Variants in IL17REL observed in about 807,000 individuals in gnomAD.
The protein encoded by IL17REL is interleukin 17 receptor E like.
IL17REL carries 36 observed loss-of-function variants against 49.0 expected under a neutral mutation model. That is an observed-to-expected ratio of 0.73 (90% CI 0.56 to 0.97). The LOEUF is 0.97. Among genes scored for constraint, IL17REL ranks in the 50% least tolerant of loss-of-function variants. IL17REL has a pLI of 0.00. For missense variants in IL17REL, 470 were observed against 453.9 expected (o/e 1.04, Z -0.32); for synonymous variants, 206 against 192.4 (o/e 1.07, Z -0.58).
intron 5 of IL17REL, 31 bp from the exon 8 acceptor site, chr22:49,999,533 G>A (rs1333225738): frequency 2.6e-6 from 4 of 1,551,078 alleles, no homozygotes; most frequent in Non-Finnish European, 3.5e-6. Flanking sequence ...CTGAGGGGCC[G>A]CGCGGGAGGG....
intron 2 of IL17REL, 41 bp downstream of exon 3, chr22:50,001,041 A>G (rs763070220): frequency 1.4e-6 from 2 of 1,460,638 alleles, no homozygotes; most frequent in Non-Finnish European, 1.9e-6. Context: ...CCACTGCTGG[A>G]CCTGCGGGTG....
chr22:49,997,600 T>C, intron 10 of IL17REL, 85 bp downstream of exon 12: 1 of 1,484,936 alleles, frequency 6.7e-7, no homozygotes, highest in Non-Finnish European at 9.4e-7. Flanking sequence ...TTGGCACCGT[T>C]ATTCCACCTC....
downstream of IL17REL, among the ~76,000 whole-genome samples, chr22:49,994,173 C>G (rs1886821388): frequency 6.6e-6 from 1 of 152,112 alleles, no homozygotes; most frequent in African/African-American, 2.4e-5. Context: ...TGTCCATGCC[C>G]CCCACTGGCC....
At chr22:50,010,325 G>A (rs2061132504), upstream of IL17REL, among the ~76,000 whole-genome samples, 1 of 152,246 alleles carries the variant, frequency 6.6e-6, no homozygotes, top group Admixed American at 6.5e-5. Flanking sequence ...AAAAGGGGCC[G>A]GGCTCACCCG....
intron 1 of IL17REL, among the ~76,000 whole-genome samples, chr22:50,008,191 G>A (rs1347744079): frequency 3.9e-5 from 6 of 152,228 alleles, no homozygotes; most frequent in Admixed American, 2.0e-4. Context: ...TTTCCAGTGA[G>A]CCTTAACTTT....
chr22:49,993,803 G>A (rs998009196), downstream of IL17REL, among the ~76,000 whole-genome samples: 10 of 152,272 alleles, frequency 6.6e-5, no homozygotes, highest in Middle Eastern at 3.4e-3. The surrounding 1 kb of genome is among the most constrained non-coding windows in gnomAD (Gnocchi z 6.0). Flanking sequence ...CAGGATTCCC[G>A]GAGTAGCCCT....
intron 1 of IL17REL, among the ~76,000 whole-genome samples, chr22:50,005,785 A>G (rs549486557): frequency 7.2e-5 from 11 of 151,970 alleles, no homozygotes; most frequent in Admixed American, 1.3e-4. Flanking sequence ...AGCCTGGGCA[A>G]CAAAGCGAGA....
intron 1 of IL17REL, among the ~76,000 whole-genome samples, chr22:50,005,528 G>A (rs1312450193): frequency 6.6e-6 from 1 of 152,154 alleles, no homozygotes; most frequent in South Asian, 2.1e-4. Flanking sequence ...TGGGCCGGGC[G>A]CGGTGGCTCA....
chr22:49,997,315 C>T lies in IL17REL; in HGVS notation c.974+5G>A, dbSNP rs751312468. 1.2e-6 allele frequency: 2 copies of T among 1,612,440 alleles called. No individual in the cohort carries two copies. Among genetic ancestry groups the T allele is most frequent in the Non-Finnish European group, 1.7e-6 (2 of 1,179,136 alleles). Reference sequence around the variant, plus strand: ...CCAGGATGGAGCCCCACTCTCTCGGCTCACTGAGGCTGAAGGGAGCGGGCT... The same window carrying T: ...CCAGGATGGAGCCCCACTCTCTCGGTTCACTGAGGCTGAAGGGAGCGGGCT... On this transcript the variant is annotated splice_donor_5th_base_variant and intron_variant, in intron 11 of 12. Transcript: ENST00000341280.
At chr22:50,010,433 T>C (rs5771245), upstream of IL17REL, among the ~76,000 whole-genome samples, 88,062 of 152,146 alleles carry the variant, frequency 0.58, 25,671 homozygotes, top group Middle Eastern at 0.65. Context: ...GGAGGCAGCG[T>C]GGGGAGGCCC....
At chr22:50,004,019 A>T (rs1030496194) in intron 1 of IL17REL, among the ~76,000 whole-genome samples, 3 of 152,248 alleles carry the variant, frequency 2.0e-5, no homozygotes, top group African/African-American at 7.2e-5. Context: ...GCAAAGTTGC[A>T]GAATACAAGA....
Position 50,000,880 on chromosome 22 carries a change from C to T in IL17REL, c.110-17G>A. The T allele has an allele frequency of 2.0e-6, 3 of 1,511,830 alleles. No homozygotes were observed. Among genetic ancestry groups the T allele is most frequent in the Non-Finnish European group, 2.7e-6 (3 of 1,131,916 alleles). 93.7% of individuals were successfully genotyped at this position (1,511,830 alleles called of 1,614,324 possible). A position where few individuals can be genotyped will look rare whatever the true frequency, so the allele number is the denominator to read the frequency against. On this transcript the variant is annotated splice_polypyrimidine_tract_variant and intron_variant, in intron 2 of 12. Coordinates refer to ENST00000341280, the Ensembl canonical transcript of IL17REL. ...GCAGGCGCTCTGGGTGGAGGAAGGA[C>T]CCGGCAGGGTGCATCAGAGCAGGGC...
At chr22:49,996,425 T>C (rs2061034735) in exon 13 of IL17REL, 1 of 152,838 alleles carries the variant, frequency 6.5e-6, no homozygotes, top group African/African-American at 2.4e-5. Flanking sequence ...AGTCCTGTCC[T>C]GATGTACCCT....
At chr22:50,010,163 C>G (rs1026246130), upstream of IL17REL, among the ~76,000 whole-genome samples, 1 of 152,260 alleles carries the variant, frequency 6.6e-6, no homozygotes, top group Non-Finnish European at 1.5e-5. Flanking sequence ...CTCCGCCTGC[C>G]ATGGCCACGA....
chr22:50,011,010 C>G (rs2061138259), upstream of IL17REL, among the ~76,000 whole-genome samples: 1 of 151,724 alleles, frequency 6.6e-6, no homozygotes, highest in Admixed American at 6.6e-5. Flanking sequence ...CGGGTCCCCC[C>G]CCAGGGCGCG....
exon 13 of IL17REL, chr22:49,995,006 T>A (rs1336327162): frequency 6.6e-6 from 1 of 152,380 alleles, no homozygotes. Flanking sequence ...GGGGCTGGGA[T>A]CTGGGGAAGC....
chr22:49,999,581 G>A (rs2061061995), intron 5 of IL17REL, 79 bp from the exon 8 acceptor site: 7 of 1,209,494 alleles, frequency 5.8e-6, no homozygotes, highest in Non-Finnish European at 8.2e-6. Flanking sequence ...TGCACCGAAC[G>A]GGGCGGGAGC....
intron 10 of IL17REL, 89 bp downstream of exon 12, chr22:49,997,596 C>T (rs1201873554): frequency 2.0e-4 from 290 of 1,470,440 alleles, no homozygotes; most frequent in Non-Finnish European, 4.2e-5. Flanking sequence ...TGGCTTGGCA[C>T]CGTTATTCCA....
Position 49,999,403 on chromosome 22 carries a change from C to T in IL17REL, c.546+28G>A, listed in dbSNP as rs779354978. 2.5e-6 allele frequency: 4 copies of T among 1,612,700 alleles called. No individual in the cohort carries two copies. In the East Asian group the frequency reaches 8.9e-5, roughly 36 times the overall value. ...CCATCCCTGTGCTCCCCTCACCCGC[C>T]CCAAGTCCAGGCCACACCTCCACCG... On this transcript the variant is annotated intron_variant, in intron 6 of 12. Transcript: ENST00000341280.
Sources: allele counts gnomAD v4.1 joint callset (sites outside exome capture counted in the v4.1 genomes callset), GRCh38; gene constraint gnomAD v4.1.1; non-coding constraint Gnocchi (gnomAD v3.1); transcripts MANE v1.5; gene names NCBI Gene and HGNC (gene_info 2026-07-23, HGNC 2026-07-21).